DNAH1: variants seen among roughly 807,000 people sequenced by gnomAD.
The protein encoded by DNAH1 is axonemal beta dynein heavy chain 1.
DNAH1 carries 327 observed loss-of-function variants against 484.3 expected under a neutral mutation model. That is an observed-to-expected ratio of 0.68 (90% CI 0.62 to 0.74). The LOEUF is 0.74. DNAH1 is among the 30% of genes least tolerant of loss of function. The probability of loss-of-function intolerance (pLI) is 0.00; values close to 1 mark genes in which losing one functional copy is unlikely to be tolerated. For synonymous variants in DNAH1, 2,192 were observed against 2,191.9 expected (o/e 1.00, Z 0.00); for missense variants, 5,052 against 5,546.8 (o/e 0.91, Z 2.83).
chr3:52,391,164 C>G lies in DNAH1; in HGVS notation c.9742-15C>G, dbSNP rs1446509104. 1 of 1,613,464 alleles carries G rather than the reference C, an allele frequency of 6.2e-7. No homozygotes were observed. The highest frequency in any genetic ancestry group is 1.3e-5 in the African/African-American group (1 of 74,940). On this transcript the variant is annotated splice_polypyrimidine_tract_variant and intron_variant, in intron 61 of 77. Coordinates refer to ENST00000420323, the MANE Select transcript of DNAH1 (RefSeq NM_015512.5). ...CTCAGTCCCTGCAACCCCTTCTTTTCCCCTTCCCTTACAGGAGAAGGACAA... is the reference window on the plus strand; with the variant it reads ...CTCAGTCCCTGCAACCCCTTCTTTTGCCCTTCCCTTACAGGAGAAGGACAA...
chr3:52,340,254 T>C (rs186471230), intron 8 of DNAH1, among the ~76,000 whole-genome samples: 218 of 151,800 alleles, frequency 1.4e-3, no homozygotes, highest in African/African-American at 4.9e-3. Flanking sequence ...GCTATTTTTT[T>C]ATTTTTTGTA....
chr3:52,313,950 C>T (rs1301829616), upstream of DNAH1, among the ~76,000 whole-genome samples: 1 of 152,164 alleles, frequency 6.6e-6, no homozygotes, highest in African/African-American at 2.4e-5. Context: ...TAATCCAGGC[C>T]TCCTGCCCCG....
rs774979188 is a variant in DNAH1 at position 52,391,071 on chromosome 3, G to A, written c.9741+17G>A. Reference sequence around the variant, plus strand: ...AAGAACATGGTGAGCCCACCCACCAGGCACCACCACCCCACCCCAGCCAGG... The same window carrying A: ...AAGAACATGGTGAGCCCACCCACCAAGCACCACCACCCCACCCCAGCCAGG... On this transcript the variant is annotated intron_variant, in intron 61 of 77. Coordinates refer to ENST00000420323, the MANE Select transcript of DNAH1 (RefSeq NM_015512.5). 2.5e-6 allele frequency: 4 copies of A among 1,577,356 alleles called. No homozygotes were observed. Among genetic ancestry groups the A allele is most frequent in the African/African-American group, 2.7e-5 (2 of 73,930 alleles).
At position 52,363,093 on chromosome 3, in the gene DNAH1, TAAG is replaced by T; in HGVS notation, c.5198_5200del (p.Lys1733del). 1.9e-6 allele frequency: 3 copies of T among 1,613,980 alleles called. No individual in the cohort carries two copies. The highest frequency in any genetic ancestry group is 1.7e-6 in the Non-Finnish European group (2 of 1,179,858). On this transcript the variant is annotated inframe_deletion, in exon 32 of 78. Transcript: ENST00000420323. The stretch of plus-strand genomic sequence containing the variant: ...GCTTTAATGAGGCCAGTGTGCTGGC[TAAG>T]AAGATCACAACCACCTTCAAGCTGT...
chr3:52,311,187 G>A, the DNAH1 span, among the ~76,000 whole-genome samples: 1 of 152,208 alleles, frequency 6.6e-6, no homozygotes, highest in Non-Finnish European at 1.5e-5. Flanking sequence ...GGGGCACCAG[G>A]AGAGAAACAA....
rs772462687 is a variant in DNAH1 at position 52,388,511 on chromosome 3, G to A, written c.9265G>A (p.Ala3089Thr). Reference protein sequence around the residue: ...QRLREVEDGIATMQAKYRECI... With the variant: ...QRLREVEDGITTMQAKYRECI... ...CCTTCGTGAGGTGGAGGACGGCATCGCCACAATGCAGGCTAAGTACCGGGA... is the reference window on the plus strand; with the variant it reads ...CCTTCGTGAGGTGGAGGACGGCATCACCACAATGCAGGCTAAGTACCGGGA... The change falls in exon 58 of 78, where the codon GCC becomes ACC. Residue 3089 changes from alanine (A) to threonine (T), a missense_variant. Transcript: ENST00000420323. 5.0e-6 allele frequency: 8 copies of A among 1,612,618 alleles called. No individual in the cohort carries two copies. Among genetic ancestry groups the A allele is most frequent in the South Asian group, 1.1e-5 (1 of 90,772 alleles).
At chr3:52,391,753 T>C in intron 63 of DNAH1, 150 bp downstream of exon 63, 3 of 890,474 alleles carry the variant, frequency 3.4e-6, no homozygotes, top group South Asian at 3.2e-5. Flanking sequence ...ATTCGAAGCC[T>C]TTCTAGCACT....
Position 52,399,007 on chromosome 3 carries a change from C to G in DNAH1, c.12247C>G (p.Leu4083Val), listed in dbSNP as rs1704775254. 2 of 1,613,896 alleles carry G rather than the reference C, an allele frequency of 1.2e-6. No individual in the cohort carries two copies. The highest frequency in any genetic ancestry group is 1.7e-5 in the Admixed American group (1 of 60,010). The part of the protein sequence containing the change: ...ELWSAKAYPS[L>V]KPLSSWVMDL... ...CTGGAGTGCCAAGGCCTACCCATCGCTCAAGCCTCTGTCATCATGGGTCAT... is the reference window on the plus strand; with the variant it reads ...CTGGAGTGCCAAGGCCTACCCATCGGTCAAGCCTCTGTCATCATGGGTCAT... The change falls in exon 76 of 78, where the codon CTC (leucine) becomes GTC (valine). Residue 4083 changes from leucine to valine, a missense_variant. By Grantham distance (32) the Leu-to-Val change is conservative. This residue lies in a region of DNAH1 where 853 missense variants were observed against 899.0 expected (regional missense o/e 0.95). Transcript: ENST00000420323.
chr3:52,397,451 G>A (rs776963473), intron 73 of DNAH1, among the ~76,000 whole-genome samples: 9 of 152,206 alleles, frequency 5.9e-5, no homozygotes, highest in African/African-American at 9.7e-5. Flanking sequence ...GCAGGAGGGA[G>A]CCTGACAAAT....
At chr3:52,374,266 C>T (rs1226774309) in intron 44 of DNAH1, 24 of 1,513,996 alleles carry the variant, frequency 1.6e-5, no homozygotes, top group Admixed American at 8.4e-5. Context: ...ATGGATTTGC[C>T]TTACCACTAA....
chr3:52,390,942 G>A lies in DNAH1; in HGVS notation c.9629G>A (p.Gly3210Asp). The A allele has an allele frequency of 6.4e-7, 1 of 1,551,862 alleles. No homozygotes were observed. The highest frequency in any genetic ancestry group is 8.7e-7 in the Non-Finnish European group (1 of 1,146,998). The change falls in exon 61 of 78, where the codon GGC becomes GAC. Residue 3210 changes from glycine to aspartate, a missense_variant. Coordinates refer to ENST00000420323, the MANE Select transcript of DNAH1 (RefSeq NM_015512.5). ...PVKIRSWQIA[G>D]LPNDTLSVEN... The stretch of plus-strand genomic sequence containing the variant: ...GTGCCTGGCTCTCCACAGATCGCTG[G>A]CCTCCCCAACGACACACTGTCAGTG...
chr3:52,369,714 C>A, intron 37 of DNAH1, 111 bp from the exon 38 acceptor site: 3 of 1,201,948 alleles, frequency 2.5e-6, no homozygotes, highest in African/African-American at 1.5e-5. Context: ...CCACAGCCTG[C>A]CCACACCGCC....
Position 52,360,291 on chromosome 3 carries a change from T to A in DNAH1, c.4572-20T>A, listed in dbSNP as rs1189010923. 4 of 1,605,742 alleles carry A rather than the reference T, an allele frequency of 2.5e-6. No individual in the cohort carries two copies. The highest frequency in any genetic ancestry group is 3.4e-6 in the Non-Finnish European group (4 of 1,173,348). ...GGCCCATTGCCCCATGGCCAGGCCCTCATCTCCCTGCACCGCCAGGTACTA... is the reference window on the plus strand; with the variant it reads ...GGCCCATTGCCCCATGGCCAGGCCCACATCTCCCTGCACCGCCAGGTACTA... On this transcript the variant is annotated intron_variant, in intron 27 of 77. Transcript: ENST00000420323.
chr3:52,347,595 C>T (rs1408628583), intron 11 of DNAH1, among the ~76,000 whole-genome samples: 1 of 152,196 alleles, frequency 6.6e-6, no homozygotes, highest in Non-Finnish European at 1.5e-5. Flanking sequence ...GGGGGCCTCC[C>T]TCTCGTGTGG....
At position 52,326,217 on chromosome 3, in the gene DNAH1, G is replaced by A. The variant is rs757732981; in HGVS notation, c.484G>A (p.Ala162Thr). Reference protein sequence around the residue: ...QCIGSTTRLLAQTDFPLQAYE... With the variant: ...QCIGSTTRLLTQTDFPLQAYE... ...CATCGGGTCCACCACCCGGCTGCTC[G>A]CCCAGACTGACTTCCCACTGCAGGC... Residue 162 changes from alanine to threonine, a missense_variant, in exon 4 of 78, where the codon GCC (alanine) becomes ACC (threonine). Ala to Thr is a moderately conservative substitution (Grantham distance 58). Transcript: ENST00000420323. The A allele has an allele frequency of 1.7e-5, 27 of 1,612,858 alleles. No individual in the cohort carries two copies. Among genetic ancestry groups the A allele is most frequent in the South Asian group, 3.3e-5 (3 of 90,848 alleles).
In DNAH1 at chr3:52,344,647, G is replaced by T; in HGVS notation, c.1444G>T (p.Gly482Trp). 6.2e-7 allele frequency: 1 copy of T among 1,612,244 alleles called. No homozygotes were observed. Among genetic ancestry groups the T allele is most frequent in the South Asian group, 1.1e-5 (1 of 90,944 alleles). Residue 482 changes from glycine (G) to tryptophan (W), a missense_variant and splice_region_variant, in exon 9 of 78, where the codon GGG (glycine) becomes TGG (tryptophan). By Grantham distance (184) the Gly-to-Trp change is radical. Around this residue, in one of 4 missense-constraint regions of DNAH1, gnomAD observed 1,263 missense variants for 1,218.8 expected, o/e 1.04. Coordinates refer to ENST00000420323, the MANE Select transcript of DNAH1 (RefSeq NM_015512.5). ...GGAGGAGGAGCAGGTGCCTGAGCGA[G>T]GTGAGGGTCACTGGACCAAGATGGG... ...KKEEEQVPER[G>W]LVSVPKYHFW...
Position 52,391,531 on chromosome 3 carries a change from A to G in DNAH1, c.9980A>G (p.Lys3327Arg), listed in dbSNP as rs1704383252. ...HEDFRMYITT[K>R]LPNPHYTPEI... Reference sequence around the variant, plus strand: ...GACTTCAGGATGTACATCACCACCAAGCTGCCCAACCCACACTACACGCCC... The same window carrying G: ...GACTTCAGGATGTACATCACCACCAGGCTGCCCAACCCACACTACACGCCC... Residue 3327 changes from lysine to arginine, a missense_variant, in exon 63 of 78, where the codon AAG (lysine) becomes AGG (arginine). Transcript: ENST00000420323. 2.5e-6 allele frequency: 4 copies of G among 1,612,384 alleles called. No individual in the cohort carries two copies. Among genetic ancestry groups the G allele is most frequent in the Non-Finnish European group, 2.5e-6 (3 of 1,179,382 alleles).
At chr3:52,360,994 G>A (rs979913734) in intron 28 of DNAH1, among the ~76,000 whole-genome samples, 170 bp from the exon 29 acceptor site, 2 of 152,080 alleles carry the variant, frequency 1.3e-5, no homozygotes, top group Non-Finnish European at 2.9e-5. Context: ...CAGGGAACGC[G>A]CTGGGCAGGT....
intron 73 of DNAH1, 55 bp downstream of exon 73, chr3:52,397,099 G>A (rs1704671099): frequency 1.2e-5 from 18 of 1,495,594 alleles, no homozygotes; most frequent in Non-Finnish European, 1.5e-5. Flanking sequence ...GGGGTTCTGG[G>A]GTACCATGAG....
Sources: gnomAD v4.1 joint callset for allele counts (sites outside exome capture counted in the v4.1 genomes callset) on GRCh38, gnomAD v4.1.1 for gene constraint, gnomAD v4.1.1 regional missense constraint, MANE v1.5 for transcripts, NCBI Gene and HGNC (gene_info 2026-07-23, HGNC 2026-07-21) for gene names.